AKR1C3: variants seen among roughly 807,000 people sequenced by gnomAD.
The protein encoded by AKR1C3 is aldo-keto reductase family 1 member C3.
AKR1C3 carries 48 observed loss-of-function variants against 43.6 expected under a neutral mutation model. The ratio of observed to expected loss-of-function variants is 1.10; its 90% CI spans 0.87 to 1.40. AKR1C3 has a LOEUF of 1.40. AKR1C3 is among the 40% of genes most tolerant of loss of function. The pLI, the probability that AKR1C3 is intolerant of heterozygous loss-of-function variation, is 0.00. For synonymous variants in AKR1C3, 162 were observed against 139.6 expected (o/e 1.16, Z -1.13); for missense variants, 482 against 391.2 (o/e 1.23, Z -1.96).
At chr10:5,096,248 C>A in intron 1 of AKR1C3, 162 bp from the exon 2 acceptor site, 1 of 818,652 alleles carries the variant, frequency 1.2e-6, no homozygotes, top group Non-Finnish European at 1.8e-6. Context: ...GATGCTCAAC[C>A]TTTATTACTA....
In AKR1C3 at chr10:5,085,713, T is replaced by C. The variant is rs190394882; in HGVS notation, c.85-10697T>C. On this transcript the variant is annotated intron_variant, in intron 1 of 8. Coordinates refer to the AKR1C3 transcript ENST00000439082. ...GTGAATCCATCTGGTCCTGGACTTT[T>C]TTTGGTTGGTAAGCTATTGATTATT... Among the ~76,000 whole-genome samples, 133 of 152,022 alleles carry C rather than the reference T, an allele frequency of 8.7e-4. 5 individuals carry two copies. The highest frequency in any genetic ancestry group is 3.1e-3 in the African/African-American group (129 of 41,306).
chr10:5,070,921 G>T (rs1838602449), intron 1 of AKR1C3, among the ~76,000 whole-genome samples: 2 of 152,212 alleles, frequency 1.3e-5, no homozygotes, highest in African/African-American at 4.8e-5. Context: ...CAGCCTGTTA[G>T]AAGGAGGCTT....
At chr10:5,065,970 C>T (rs1838492135) in intron 1 of AKR1C3, among the ~76,000 whole-genome samples, 1 of 152,128 alleles carries the variant, frequency 6.6e-6, no homozygotes. Context: ...ACTCTGCTCT[C>T]TCTAGTGGAG....
chr10:5,095,276 A>G (rs1839180399), intron 1 of AKR1C3, among the ~76,000 whole-genome samples: 1 of 152,116 alleles, frequency 6.6e-6, no homozygotes, highest in Non-Finnish European at 1.5e-5. Context: ...GTGAATAGGA[A>G]CTAATTATTG....
At chr10:5,054,237 A>G (rs1554779317) in intron 1 of AKR1C3, among the ~76,000 whole-genome samples, 1 of 152,224 alleles carries the variant, frequency 6.6e-6, no homozygotes, top group African/African-American at 2.4e-5. Flanking sequence ...ATTGTAAAGT[A>G]AGAATAGATT....
In AKR1C3 at chr10:5,098,893, G is replaced by C; in HGVS notation, c.447+14G>C. On this transcript the variant is annotated intron_variant, in intron 4 of 8. Transcript: ENST00000380554. ...ACCACCTGGGAGGTGAGTGCTTGGC[G>C]GAGAGGACACAGAGAAGGATGACAA... 6.3e-7 allele frequency: 1 copy of C among 1,597,790 alleles called. No individual in the cohort carries two copies. The highest frequency in any genetic ancestry group is 1.7e-4 in the Middle Eastern group (1 of 6,020).
chr10:5,058,020 C>G (rs540020425), intron 1 of AKR1C3, among the ~76,000 whole-genome samples: 1 of 152,150 alleles, frequency 6.6e-6, no homozygotes, highest in Non-Finnish European at 1.5e-5. Flanking sequence ...GGGACATGTA[C>G]CCGGGTTGGG....
intron 1 of AKR1C3, among the ~76,000 whole-genome samples, chr10:5,070,762 T>C (rs1262370018): frequency 2.0e-5 from 3 of 152,242 alleles, no homozygotes; most frequent in African/African-American, 4.8e-5. Context: ...CAGCTATCTA[T>C]GAGTCAGGAA....
At chr10:5,053,272 G>T (rs1330776531) in intron 1 of AKR1C3, among the ~76,000 whole-genome samples, 1 of 152,254 alleles carries the variant, frequency 6.6e-6, no homozygotes, top group Non-Finnish European at 1.5e-5. Flanking sequence ...GTGGGCTGCA[G>T]GTCCCGAGCC....
intron 1 of AKR1C3, among the ~76,000 whole-genome samples, chr10:5,078,911 A>C (rs992801633): frequency 2.6e-5 from 4 of 152,130 alleles, no homozygotes. Flanking sequence ...GGGTGCAGAC[A>C]TTTCTCCTCC....
At chr10:5,070,870 A>T (rs543121034) in intron 1 of AKR1C3, among the ~76,000 whole-genome samples, 1 of 152,300 alleles carries the variant, frequency 6.6e-6, no homozygotes. Context: ...ATAACTAACC[A>T]GTCTGCAGTC....
At chr10:5,068,412 G>C (rs1321067945) in intron 1 of AKR1C3, among the ~76,000 whole-genome samples, 1 of 151,370 alleles carries the variant, frequency 6.6e-6, no homozygotes, top group African/African-American at 2.4e-5. Flanking sequence ...TTTTGAAACT[G>C]AAGTTTGATT....
At chr10:5,056,493 G>T (rs1554779616) in intron 1 of AKR1C3, among the ~76,000 whole-genome samples, 2 of 152,216 alleles carry the variant, frequency 1.3e-5, no homozygotes, top group South Asian at 2.1e-4. Context: ...GTGTTGCAGG[G>T]ACTGCTGCAT....
Position 5,060,508 on chromosome 10 carries a change from G to A in AKR1C3, c.84+11613G>A, listed in dbSNP as rs141360317. On this transcript the variant is annotated intron_variant, in intron 1 of 8. Transcript: ENST00000439082. ...CTGAGTTAGACACAGGGTGCTGATT[G>A]GTGTGTTTACAAACCTCGAGCTAGA... 1.9e-3 allele frequency among the ~76,000 whole-genome samples: 293 copies of A among 152,266 alleles called. 1 individual carries two copies. Among genetic ancestry groups the A allele is most frequent in the African/African-American group, 6.7e-3 (277 of 41,554 alleles).
chr10:5,091,241 A>C (rs1299438663), upstream of AKR1C3, among the ~76,000 whole-genome samples: 1 of 152,120 alleles, frequency 6.6e-6, no homozygotes, highest in Non-Finnish European at 1.5e-5. Context: ...AGAGAGAATG[A>C]GAATTGCTGA....
In AKR1C3 at chr10:5,084,444, T is replaced by G. The variant is rs559659990; in HGVS notation, c.85-11966T>G. ...CTGTTCCATTGGTCTATATCTCTGTTTTGGTACCAGTACCATACTGTTTTG... is the reference window on the plus strand; with the variant it reads ...CTGTTCCATTGGTCTATATCTCTGTGTTGGTACCAGTACCATACTGTTTTG... On this transcript the variant is annotated intron_variant, in intron 1 of 8. Coordinates refer to the AKR1C3 transcript ENST00000439082. Among the ~76,000 whole-genome samples, 6 of 151,412 alleles carry G rather than the reference T, an allele frequency of 4.0e-5. No homozygotes were observed. In the South Asian group the frequency reaches 1.0e-3, roughly 26 times the overall value.
chr10:5,057,529 G>T (rs916343811), intron 1 of AKR1C3, among the ~76,000 whole-genome samples: 6 of 152,192 alleles, frequency 3.9e-5, no homozygotes, highest in African/African-American at 7.2e-5. Flanking sequence ...TGGGTGACGG[G>T]AGTATAATTT....
chr10:5,100,278 G>C (rs1588357253), intron 5 of AKR1C3, among the ~76,000 whole-genome samples: 1 of 152,164 alleles, frequency 6.6e-6, no homozygotes, highest in South Asian at 2.1e-4. Flanking sequence ...TGGGCAACAA[G>C]AGTGAAACTC....
chr10:5,082,746 C>T (rs1554782515), intron 1 of AKR1C3, among the ~76,000 whole-genome samples: 1 of 151,998 alleles, frequency 6.6e-6, no homozygotes, highest in Non-Finnish European at 1.5e-5. Flanking sequence ...GGATATGTTC[C>T]TCTAGTTTTA....
Sources: allele counts gnomAD v4.1 joint callset (sites outside exome capture counted in the v4.1 genomes callset), GRCh38; gene constraint gnomAD v4.1.1; transcripts MANE v1.5; gene names NCBI Gene and HGNC (gene_info 2026-07-23, HGNC 2026-07-21).